SEMA6D: variants seen among roughly 807,000 people sequenced by gnomAD.
The protein encoded by SEMA6D is semaphorin-6D.
SEMA6D carries 35 observed loss-of-function variants against 106.6 expected under a neutral mutation model. The ratio of observed to expected loss-of-function variants is 0.33; its 90% CI spans 0.25 to 0.44. The LOEUF (loss-of-function observed/expected upper bound fraction) is 0.44, where lower values mean the gene tolerates loss of function less well. Among genes scored for constraint, SEMA6D ranks in the 20% least tolerant of loss-of-function variants. The probability of loss-of-function intolerance (pLI) is 1.00; values close to 1 mark genes in which losing one functional copy is unlikely to be tolerated. For missense variants in SEMA6D, 1,185 were observed against 1,345.9 expected, an observed-to-expected ratio of 0.88 and a Z score of 1.87; for synonymous variants, 499 against 487.7, an observed-to-expected ratio of 1.02 and a Z score of -0.31.
At chr15:47,363,856 A>G (rs972264257) in intron 1 of SEMA6D, among the ~76,000 whole-genome samples, 2 of 152,178 alleles carry the variant, frequency 1.3e-5, no homozygotes, top group Non-Finnish European at 2.9e-5. Flanking sequence ...ACTTATAATC[A>G]TGGCGGAAGG....
chr15:47,545,354 A>G (rs1271518462), intron 3 of SEMA6D, among the ~76,000 whole-genome samples: 1 of 152,114 alleles, frequency 6.6e-6, no homozygotes, highest in East Asian at 1.9e-4. Context: ...AACTACCAAA[A>G]CCTATTCTGG....
At chr15:47,238,362 G>A (rs1475966726) in intron 1 of SEMA6D, among the ~76,000 whole-genome samples, 3 of 152,006 alleles carry the variant, frequency 2.0e-5, no homozygotes, top group Non-Finnish European at 2.9e-5. Context: ...CACATTGTAA[G>A]GCCCCATATT....
At chr15:47,253,637 C>T (rs1441499442) in intron 1 of SEMA6D, among the ~76,000 whole-genome samples, 1 of 152,010 alleles carries the variant, frequency 6.6e-6, no homozygotes, top group Non-Finnish European at 1.5e-5. Context: ...AACATATGTT[C>T]TTGGCACCAT....
In SEMA6D at chr15:47,354,862, G is replaced by A. The variant is rs185354246; in HGVS notation, c.-238-57531G>A. Among the ~76,000 whole-genome samples, 39 of 152,274 alleles carry A rather than the reference G, an allele frequency of 2.6e-4. No individual in the cohort carries two copies. In the East Asian group the frequency reaches 7.0e-3, roughly 27 times the overall value. The stretch of plus-strand genomic sequence containing the variant: ...GGTGACAAAACGAGTTTACTTAACA[G>A]CCTTAAGCTGCCTTAAATGTGTGTC... On this transcript the variant is annotated intron_variant, in intron 1 of 19. Transcript: ENST00000558014.
chr15:47,500,277 C>A (rs554107337), intron 3 of SEMA6D, among the ~76,000 whole-genome samples: 5 of 150,940 alleles, frequency 3.3e-5, no homozygotes, highest in African/African-American at 4.9e-5. Context: ...TCAACAAATG[C>A]CACCAAATGT....
At chr15:47,251,828 A>G (rs1412968336) in intron 1 of SEMA6D, among the ~76,000 whole-genome samples, 1 of 150,824 alleles carries the variant, frequency 6.6e-6, no homozygotes, top group Non-Finnish European at 1.5e-5. Context: ...ACCTCTGTTC[A>G]TGTGTTTATT....
intron 4 of SEMA6D, among the ~76,000 whole-genome samples, chr15:47,675,520 G>A (rs77567729): frequency 0.014 from 2,136 of 152,164 alleles, 49 homozygotes; most frequent in African/African-American, 0.049. Context: ...CCTTGATGTG[G>A]GACTTCCAGC....
exon 1 of SEMA6D, chr15:47,184,219 G>A (rs527355526): frequency 1.3e-5 from 2 of 153,092 alleles, no homozygotes; most frequent in South Asian, 2.1e-4. Flanking sequence ...AGGACTAGGA[G>A]GCAGCGGGGA....
chr15:47,289,393 CAAAAAAAAAAAA>C lies in SEMA6D; in HGVS notation c.-239+104987_-239+104998del, dbSNP rs746946975. 3.2e-4 allele frequency among the ~76,000 whole-genome samples: 15 copies of C among 46,544 alleles called. No individual in the cohort carries two copies. In the East Asian group the frequency reaches 5.7e-3, roughly 18 times the overall value. 30.5% of individuals were successfully genotyped at this position (46,544 alleles called of 152,430 possible). ...TGGGTGACAGAGCAAAACTCCATCT[CAAAAAAAAAAAA>C]AAAAAAAAAAAGAAAAGGTGAGCTA... is the stretch of plus-strand genomic sequence containing the variant. On this transcript the variant is annotated intron_variant, in intron 1 of 19. Transcript: ENST00000558014.
chr15:47,327,042 A>T (rs2143917295), intron 1 of SEMA6D, among the ~76,000 whole-genome samples: 1 of 152,264 alleles, frequency 6.6e-6, no homozygotes, highest in Admixed American at 6.5e-5. Flanking sequence ...TGCATCTTGG[A>T]TGATCAGGTA....
At chr15:47,757,375 G>A (rs2081811592) in intron 1 of SEMA6D, among the ~76,000 whole-genome samples, 1 of 152,186 alleles carries the variant, frequency 6.6e-6, no homozygotes, top group South Asian at 2.1e-4. Flanking sequence ...TTTGGGACTG[G>A]TGTCAAAGCA....
intron 4 of SEMA6D, among the ~76,000 whole-genome samples, chr15:47,622,054 A>G (rs894582026): frequency 2.6e-5 from 4 of 152,246 alleles, no homozygotes; most frequent in Middle Eastern, 3.4e-3. Flanking sequence ...GAGAGGGGTG[A>G]TTGAACAGGA....
At chr15:47,770,474 A>G (rs554169276) in intron 18 of SEMA6D, 23 bp from the exon 19 acceptor site, 1 of 1,540,824 alleles carries the variant, frequency 6.5e-7, no homozygotes, top group Non-Finnish European at 8.8e-7. Flanking sequence ...CCTTATTCAC[A>G]TTGTCCCATG....
At chr15:47,379,057 C>T (rs531185538) in intron 1 of SEMA6D, among the ~76,000 whole-genome samples, 28 of 152,260 alleles carry the variant, frequency 1.8e-4, no homozygotes, top group South Asian at 1.0e-3. Context: ...CTATAACTGC[C>T]GTAACCTGGA....
chr15:47,748,916 C>G (rs2081281388), intron 1 of SEMA6D, among the ~76,000 whole-genome samples: 1 of 151,556 alleles, frequency 6.6e-6, no homozygotes, highest in Non-Finnish European at 1.5e-5. Flanking sequence ...CAATTCTAGA[C>G]AAATGAAAAG....
intron 1 of SEMA6D, among the ~76,000 whole-genome samples, chr15:47,355,518 AAG>A (rs978940151): frequency 6.6e-6 from 1 of 152,154 alleles, no homozygotes; most frequent in Admixed American, 6.5e-5. Flanking sequence ...GAGAAAGAGA[AAG>A]AGAGAGACTT....
chr15:47,286,500 A>G (rs1274405561), intron 1 of SEMA6D, among the ~76,000 whole-genome samples: 1 of 152,208 alleles, frequency 6.6e-6, no homozygotes, highest in Non-Finnish European at 1.5e-5. Context: ...CGAAAGAAAA[A>G]TATTCCATGT....
chr15:47,685,163 A>G (rs2078442437), intron 4 of SEMA6D, among the ~76,000 whole-genome samples: 1 of 152,208 alleles, frequency 6.6e-6, no homozygotes, highest in Non-Finnish European at 1.5e-5. Context: ...GTTTCTCTTG[A>G]AGAGCCCATT....
chr15:47,696,083 C>T (rs1047758031), intron 4 of SEMA6D, among the ~76,000 whole-genome samples: 4 of 152,144 alleles, frequency 2.6e-5, no homozygotes, highest in Admixed American at 6.5e-5. Flanking sequence ...CAAAGGTCTT[C>T]TCTTCACTCA....
Sources: allele counts gnomAD v4.1 joint callset (sites outside exome capture counted in the v4.1 genomes callset), GRCh38; gene constraint gnomAD v4.1.1; transcripts MANE v1.5; gene names NCBI Gene and HGNC (gene_info 2026-07-23, HGNC 2026-07-21).